EIF3H: variants seen among roughly 807,000 people sequenced by gnomAD.
The protein encoded by EIF3H is eIF-3-gamma.
Under a neutral mutation model 44.2 loss-of-function variants are expected in EIF3H, and 26 were observed. The ratio of observed to expected loss-of-function variants is 0.59; its 90% confidence interval spans 0.43 to 0.82. EIF3H has a LOEUF of 0.82. Among genes scored for constraint, EIF3H ranks in the 40% least tolerant of loss-of-function variants. EIF3H has a pLI of 0.00. For missense variants in EIF3H, 359 were observed against 432.8 expected, an observed-to-expected ratio of 0.83 and a Z score of 1.51; for synonymous variants, 166 against 151.9, an observed-to-expected ratio of 1.09 and a Z score of -0.68.
chr8:116,652,697 T>C (rs1341176974), intron 5 of EIF3H, among the ~76,000 whole-genome samples: 1 of 152,168 alleles, frequency 6.6e-6, no homozygotes, highest in Non-Finnish European at 1.5e-5. Flanking sequence ...CACTGTATTT[T>C]TCTTTCAAAT....
chr8:116,716,487 G>A (rs1316977836), intron 2 of EIF3H, among the ~76,000 whole-genome samples: 7 of 152,000 alleles, frequency 4.6e-5, no homozygotes, highest in East Asian at 1.9e-4. Context: ...TCTGAGCTCC[G>A]TCAAGATTAA....
At chr8:116,706,344 G>A (rs1814469432) in intron 2 of EIF3H, among the ~76,000 whole-genome samples, 1 of 152,024 alleles carries the variant, frequency 6.6e-6, no homozygotes, top group South Asian at 2.1e-4. Flanking sequence ...CCACCTCAGG[G>A]CCTTTAGCAC....
At chr8:116,749,451 T>A (rs1024168028) in intron 1 of EIF3H, among the ~76,000 whole-genome samples, 2 of 152,202 alleles carry the variant, frequency 1.3e-5, no homozygotes, top group African/African-American at 2.4e-5. Flanking sequence ...CCAACATTGC[T>A]CATCTTACTG....
At chr8:116,732,512 AAAAT>A (rs1814966836) in intron 1 of EIF3H, among the ~76,000 whole-genome samples, 1 of 152,200 alleles carries the variant, frequency 6.6e-6, no homozygotes, top group African/African-American at 2.4e-5. Flanking sequence ...AAATTTGACC[AAAAT>A]AAATATTAAA....
intron 1 of EIF3H, among the ~76,000 whole-genome samples, chr8:116,751,974 C>G (rs1339905057): frequency 6.6e-6 from 1 of 152,072 alleles, no homozygotes; most frequent in East Asian, 1.9e-4. Context: ...GTTACACTAC[C>G]TATGTCAAGC....
At chr8:116,757,892 T>C (rs1203326681), upstream of EIF3H, among the ~76,000 whole-genome samples, 2 of 152,172 alleles carry the variant, frequency 1.3e-5, no homozygotes, top group African/African-American at 4.8e-5. Flanking sequence ...CAGCTAATTT[T>C]TGTATTTTTA....
In EIF3H at chr8:116,764,451, C is replaced by T. The variant is rs111961091; in HGVS notation, c.-27+1064G>A. On this transcript the variant is annotated intron_variant, in intron 1 of 9. Coordinates refer to the EIF3H transcript ENST00000276682. ...TAATAAAAATATCTTATTGGATAAA[C>T]GATGCTTTATTACAAAAAAGGTCCT... Among the ~76,000 whole-genome samples, 136 of 152,140 alleles carry T rather than the reference C, an allele frequency of 8.9e-4. 1 individual carries two copies. Among genetic ancestry groups the T allele is most frequent in the African/African-American group, 2.8e-3 (118 of 41,518 alleles).
chr8:116,687,322 T>C (rs979873324), intron 2 of EIF3H, among the ~76,000 whole-genome samples: 1 of 152,162 alleles, frequency 6.6e-6, no homozygotes, highest in South Asian at 2.1e-4. Flanking sequence ...ACTAAAGGAA[T>C]ATTGCAAAAC....
intron 2 of EIF3H, among the ~76,000 whole-genome samples, chr8:116,714,783 AG>A (rs1461153869): frequency 6.6e-6 from 1 of 152,050 alleles, no homozygotes; most frequent in African/African-American, 2.4e-5. Flanking sequence ...TCATACAGAT[AG>A]GGGGTAAGAC....
At chr8:116,675,022 T>G (rs529442967) in intron 2 of EIF3H, among the ~76,000 whole-genome samples, 2 of 152,236 alleles carry the variant, frequency 1.3e-5, no homozygotes, top group African/African-American at 2.4e-5. Flanking sequence ...AAAGACAAGA[T>G]TCATTATTTT....
chr8:116,743,792 AT>A (rs1258063964), intron 1 of EIF3H, among the ~76,000 whole-genome samples: 1,099 of 89,346 alleles, frequency 0.012, 12 homozygotes, highest in African/African-American at 0.037. Context: ...ATATATATAT[AT>A]ATATAAACAC....
chr8:116,740,058 A>C (rs185326520), intron 1 of EIF3H, among the ~76,000 whole-genome samples: 68 of 152,258 alleles, frequency 4.5e-4, no homozygotes, highest in Non-Finnish European at 8.5e-4. Flanking sequence ...TACTATAATA[A>C]AAGTTTCTAA....
chr8:116,709,693 T>G (rs1467782890), intron 2 of EIF3H, among the ~76,000 whole-genome samples: 1 of 152,202 alleles, frequency 6.6e-6, no homozygotes, highest in African/African-American at 2.4e-5. Context: ...AAATGTTTCT[T>G]AGGAACTTGC....
intron 2 of EIF3H, among the ~76,000 whole-genome samples, chr8:116,666,274 G>C (rs1813663962): frequency 6.6e-6 from 1 of 152,172 alleles, no homozygotes; most frequent in African/African-American, 2.4e-5. Context: ...AATGGGAATA[G>C]GGTGGGGGCA....
chr8:116,720,415 T>C (rs1483670850), intron 2 of EIF3H, among the ~76,000 whole-genome samples: 2 of 152,208 alleles, frequency 1.3e-5, no homozygotes, highest in East Asian at 3.8e-4. Flanking sequence ...CCTTCTGCCA[T>C]GACTGTGAAG....
At chr8:116,737,316 A>G (rs1291475949) in intron 1 of EIF3H, 2 of 433,088 alleles carry the variant, frequency 4.6e-6, no homozygotes, top group African/African-American at 2.1e-5. Context: ...AGACTTTGTC[A>G]TTCTTCAAAT....
intron 5 of EIF3H, among the ~76,000 whole-genome samples, chr8:116,652,669 G>A (rs1460979974): frequency 1.3e-5 from 2 of 151,958 alleles, no homozygotes; most frequent in Non-Finnish European, 2.9e-5. Context: ...CTAAATGAAA[G>A]GTTTATGGAT....
intron 2 of EIF3H, among the ~76,000 whole-genome samples, chr8:116,696,708 TTG>T (rs1039285678): frequency 7.2e-5 from 11 of 152,226 alleles, no homozygotes; most frequent in African/African-American, 2.4e-4. Flanking sequence ...GGGTTTTTTT[TTG>T]TTGTTGTTAG....
intron 1 of EIF3H, among the ~76,000 whole-genome samples, chr8:116,739,402 G>A (rs1019744207): frequency 5.3e-5 from 8 of 152,248 alleles, no homozygotes; most frequent in Admixed American, 3.9e-4. Flanking sequence ...TGTAATCCCA[G>A]CACTTTTGGA....
Sources: allele counts gnomAD v4.1 joint callset (sites outside exome capture counted in the v4.1 genomes callset), GRCh38; gene constraint gnomAD v4.1.1; transcripts MANE v1.5; gene names NCBI Gene and HGNC (gene_info 2026-07-23, HGNC 2026-07-21).